STPG2: variants seen among roughly 807,000 people sequenced by gnomAD.
STPG2 encodes the protein sperm-tail PG-rich repeat-containing protein 2.
A neutral mutation model predicts 54.2 loss-of-function variants in STPG2; 56 were observed. That is an observed-to-expected ratio of 1.03 (90% confidence interval 0.83 to 1.29). STPG2 has a LOEUF of 1.29. Ranked by LOEUF, STPG2 falls within the 50% of genes most tolerant of loss-of-function variation. The pLI, the probability that STPG2 is intolerant of heterozygous loss-of-function variation, is 0.00. For missense variants in STPG2, 596 were observed against 544.9 expected (o/e 1.09, Z -0.93); for synonymous variants, 200 against 181.8 (o/e 1.10, Z -0.81).
intron 7 of STPG2, among the ~76,000 whole-genome samples, chr4:97,959,532 C>T (rs954025643): frequency 3.3e-5 from 5 of 151,980 alleles, no homozygotes; most frequent in South Asian, 2.1e-4. Flanking sequence ...TTACAACTGA[C>T]ACCACAGAAA....
intron 9 of STPG2, among the ~76,000 whole-genome samples, chr4:97,835,575 C>G (rs986922315): frequency 6.6e-6 from 1 of 152,082 alleles, no homozygotes; most frequent in African/African-American, 2.4e-5. Flanking sequence ...ATTTTCATGC[C>G]TGCTAATACA....
intron 10 of STPG2, among the ~76,000 whole-genome samples, chr4:97,587,041 G>A (rs1733019521): frequency 6.6e-6 from 1 of 151,804 alleles, no homozygotes; most frequent in South Asian, 2.1e-4. Context: ...GGCTATAAAG[G>A]TAATGTTTGT....
chr4:97,803,919 G>C (rs937284409), intron 9 of STPG2, among the ~76,000 whole-genome samples: 2 of 152,178 alleles, frequency 1.3e-5, no homozygotes, highest in African/African-American at 4.8e-5. Flanking sequence ...CTGTGGGCAA[G>C]AGCAAATCAC....
chr4:98,056,205 T>A (rs6831588), intron 5 of STPG2, among the ~76,000 whole-genome samples: 1 of 151,736 alleles, frequency 6.6e-6, no homozygotes, highest in Admixed American at 6.6e-5. Context: ...GTGCTAACAC[T>A]GCACAGAGAA....
At chr4:98,034,289 G>A (rs562842476) in intron 5 of STPG2, among the ~76,000 whole-genome samples, 1 of 152,104 alleles carries the variant, frequency 6.6e-6, no homozygotes, top group Non-Finnish European at 1.5e-5. Flanking sequence ...AAAATCACAA[G>A]CATTCCTATA....
chr4:97,810,073 C>G (rs1727688126), intron 9 of STPG2, among the ~76,000 whole-genome samples: 1 of 152,026 alleles, frequency 6.6e-6, no homozygotes, highest in Non-Finnish European at 1.5e-5. Context: ...AACTCAAAAA[C>G]AGAAATAACA....
At chr4:98,122,854 T>C (rs1739719253) in intron 3 of STPG2, among the ~76,000 whole-genome samples, 1 of 152,204 alleles carries the variant, frequency 6.6e-6, no homozygotes, top group African/African-American at 2.4e-5. Context: ...GAACTCATTA[T>C]TACTGCTTCG....
intron 10 of STPG2, among the ~76,000 whole-genome samples, chr4:97,566,877 T>G (rs1275274346): frequency 8.0e-6 from 1 of 125,192 alleles, no homozygotes; most frequent in East Asian, 2.5e-4. Flanking sequence ...CTCTGGGGAC[T>G]GTTGTGGGGT....
chr4:97,609,469 G>A (rs566106528), intron 10 of STPG2, among the ~76,000 whole-genome samples: 2 of 152,006 alleles, frequency 1.3e-5, no homozygotes, highest in Admixed American at 1.3e-4. Flanking sequence ...TAAGAAAGGA[G>A]GAAGAGGTAG....
chr4:97,764,847 G>A (rs1361105140), intron 9 of STPG2, among the ~76,000 whole-genome samples: 1 of 152,060 alleles, frequency 6.6e-6, no homozygotes, highest in Non-Finnish European at 1.5e-5. Flanking sequence ...AAAGGACATG[G>A]CATTGGAAAA....
intron 10 of STPG2, among the ~76,000 whole-genome samples, chr4:97,703,817 T>C (rs920024630): frequency 6.7e-6 from 1 of 149,018 alleles, no homozygotes; most frequent in Non-Finnish European, 1.5e-5. Flanking sequence ...TGTGTGTATA[T>C]ATACATATAT....
intron 8 of STPG2, among the ~76,000 whole-genome samples, chr4:97,848,074 T>C (rs1003056957): frequency 6.6e-5 from 10 of 152,162 alleles, no homozygotes; most frequent in Non-Finnish European, 1.5e-4. Context: ...AAAACCCTCA[T>C]TGGATCCCCA....
intron 10 of STPG2, among the ~76,000 whole-genome samples, chr4:97,694,879 AC>A (rs1371434821): frequency 4.0e-5 from 6 of 149,938 alleles, no homozygotes; most frequent in Non-Finnish European, 8.9e-5. Flanking sequence ...CCAGAGGCAG[AC>A]AGATTCACAG....
intron 9 of STPG2, among the ~76,000 whole-genome samples, chr4:97,714,558 A>AAAGT (rs1455149777): frequency 6.6e-6 from 1 of 152,186 alleles, no homozygotes; most frequent in Non-Finnish European, 1.5e-5. Flanking sequence ...AGTGATAAGG[A>AAAGT]AAGTGTTTTT....
intron 9 of STPG2, among the ~76,000 whole-genome samples, chr4:97,819,439 T>C (rs924159090): frequency 6.6e-6 from 1 of 152,134 alleles, no homozygotes; most frequent in Non-Finnish European, 1.5e-5. Flanking sequence ...TAAGATAAAT[T>C]ATACCTGTTT....
At chr4:97,675,106 C>T (rs184274389) in intron 10 of STPG2, among the ~76,000 whole-genome samples, 3 of 152,094 alleles carry the variant, frequency 2.0e-5, no homozygotes, top group Admixed American at 1.3e-4. Flanking sequence ...TGGGTTCAAG[C>T]GATTCTCCTG....
At chr4:97,964,800 G>C (rs868647515) in intron 7 of STPG2, among the ~76,000 whole-genome samples, 1 of 152,048 alleles carries the variant, frequency 6.6e-6, no homozygotes, top group Non-Finnish European at 1.5e-5. Context: ...GTTATTACTT[G>C]TACTGAATTG....
chr4:98,017,861 G>A (rs1332133147), intron 5 of STPG2, among the ~76,000 whole-genome samples: 1 of 151,990 alleles, frequency 6.6e-6, no homozygotes. Context: ...TGGCAGTTTA[G>A]CCTGCATTCA....
chr4:97,969,814 C>T (rs1167636748), intron 7 of STPG2, among the ~76,000 whole-genome samples: 1 of 152,124 alleles, frequency 6.6e-6, no homozygotes, highest in Non-Finnish European at 1.5e-5. Context: ...CTGGCCAGGG[C>T]AATCAGGCAG....
Sources: gnomAD v4.1 joint callset for allele counts (sites outside exome capture counted in the v4.1 genomes callset) on GRCh38, gnomAD v4.1.1 for gene constraint, MANE v1.5 for transcripts, NCBI Gene and HGNC (gene_info 2026-07-23, HGNC 2026-07-21) for gene names.